The following CYP26B1 variants were observed in gnomAD, a reference collection of about 807,000 sequenced individuals.
CYP26B1 encodes cytochrome P450 family 26 subfamily B member 1.
CYP26B1 carries 8 observed loss-of-function variants against 39.1 expected under a neutral mutation model. The observed-to-expected ratio is 0.20, with a 90% CI of 0.12 to 0.37. The LOEUF is 0.37. Among genes scored for constraint, CYP26B1 ranks in the 10% least tolerant of loss-of-function variants. CYP26B1 has a pLI of 1.00. For missense variants in CYP26B1, 615 were observed against 707.0 expected, an observed-to-expected ratio of 0.87 and a Z score of 1.48; for synonymous variants, 321 against 314.3, an observed-to-expected ratio of 1.02 and a Z score of -0.23.
At chr2:72,132,912 T>G in intron 5 of CYP26B1, 111 bp downstream of exon 5, 1 of 1,537,988 alleles carries the variant, frequency 6.5e-7, no homozygotes, top group South Asian at 1.2e-5. Context: ...AAGCAAGCAC[T>G]GTTTCCCCAT....
At chr2:72,138,418 C>T (rs924227689) in intron 2 of CYP26B1, among the ~76,000 whole-genome samples, 9 of 151,692 alleles carry the variant, frequency 5.9e-5, no homozygotes, top group East Asian at 1.9e-4. Flanking sequence ...GGTCAGGACT[C>T]GGGCACACTG....
chr2:72,133,716 C>G (rs1351888057), intron 4 of CYP26B1, among the ~76,000 whole-genome samples: 1 of 152,194 alleles, frequency 6.6e-6, no homozygotes, highest in Non-Finnish European at 1.5e-5. Flanking sequence ...GGATGTGAGT[C>G]TAAACCCGGG....
chr2:72,133,138 C>A lies in CYP26B1; in HGVS notation c.1031G>T (p.Arg344Leu), dbSNP rs772338043. The part of the protein sequence containing the change: ...SGGCPCEGTL[R>L]LDTLSGLRYL... Reference sequence around the variant, plus strand: ...GCGCAGCCCACTGAGCGTGTCCAGGCGCAGTGTGCCCTCGCAGGGGCAGCC... The same window carrying A: ...GCGCAGCCCACTGAGCGTGTCCAGGAGCAGTGTGCCCTCGCAGGGGCAGCC... The change falls in exon 5 of 6, where the codon CGC becomes CTC. Residue 344 changes from arginine to leucine, a missense_variant. Physicochemically the swap from Arg to Leu is moderately radical, Grantham distance 102. Transcript: ENST00000001146. 4.3e-6 allele frequency: 7 copies of A among 1,612,614 alleles called. No individual in the cohort carries two copies. The highest frequency in any genetic ancestry group is 2.2e-5 in the East Asian group (1 of 44,880).
intron 1 of CYP26B1, chr2:72,144,492 G>C: frequency 8.2e-7 from 1 of 1,217,854 alleles, no homozygotes; most frequent in Non-Finnish European, 1.0e-6. Context: ...AGGTATCCCG[G>C]ACAGCTGGAC....
In CYP26B1 at chr2:72,135,473, C is replaced by T. The variant is rs1031870480; in HGVS notation, c.430-54G>A. On this transcript the variant is annotated intron_variant, in intron 2 of 5. Transcript: ENST00000001146. ...CCGATTGGCACAGCCCACCCCTGGCCAGCCCCTCACTCTGCCTGAACAATG... is the reference window on the plus strand; with the variant it reads ...CCGATTGGCACAGCCCACCCCTGGCTAGCCCCTCACTCTGCCTGAACAATG... 4.4e-6 allele frequency: 7 copies of T among 1,597,078 alleles called. No individual in the cohort carries two copies. In the Admixed American group the frequency reaches 5.0e-5, roughly 11 times the overall value.
At chr2:72,139,933 G>A (rs1409214308) in intron 2 of CYP26B1, among the ~76,000 whole-genome samples, 1 of 152,148 alleles carries the variant, frequency 6.6e-6, no homozygotes, top group African/African-American at 2.4e-5. Context: ...TCCACTCTGA[G>A]GGTGAGGCCA....
At chr2:72,144,467 C>G in intron 1 of CYP26B1, 1 of 1,299,448 alleles carries the variant, frequency 7.7e-7, no homozygotes, top group African/African-American at 1.5e-5. Context: ...TTGGTAATGA[C>G]TTTCGAGAGG....
intron 2 of CYP26B1, among the ~76,000 whole-genome samples, chr2:72,138,491 C>G (rs886365770): frequency 6.6e-6 from 1 of 152,224 alleles, no homozygotes; most frequent in African/African-American, 2.4e-5. Context: ...GAGCTACTTC[C>G]CTGACCACAG....
intron 2 of CYP26B1, among the ~76,000 whole-genome samples, chr2:72,142,071 G>T (rs1230761501): frequency 8.7e-5 from 12 of 138,382 alleles, no homozygotes; most frequent in African/African-American, 3.2e-4. Context: ...TTTCTGCCCC[G>T]ACCCCAACCC....
chr2:72,140,659 C>A (rs1043186301), intron 2 of CYP26B1, among the ~76,000 whole-genome samples: 2 of 152,238 alleles, frequency 1.3e-5, no homozygotes, highest in East Asian at 1.9e-4. Context: ...ACACCGTCCT[C>A]CTGCTGAGGC....
Position 72,147,752 on chromosome 2 carries a change from A to C in CYP26B1, c.83T>G (p.Val28Gly). Residue 28 changes from valine (V) to glycine (G), a missense_variant, in exon 1 of 6, where the codon GTG (valine) becomes GGG (glycine). Coordinates refer to ENST00000001146, the MANE Select transcript of CYP26B1 (RefSeq NM_019885.4). This position sits in a 1 kb window ranked among gnomAD's most constrained non-coding sequence, Gnocchi z 6.1. ...CLVSVTLLLA[V>G]SQQLWQLRWA... ...GCGCAGCTGCCACAGCTGCTGCGAC[A>C]CGGCCAGCAGCAGCGTCACGGACAC... is the stretch of plus-strand genomic sequence containing the variant. The C allele has an allele frequency of 6.3e-7, 1 of 1,588,180 alleles. No homozygotes were observed. Among genetic ancestry groups the C allele is most frequent in the Non-Finnish European group, 8.6e-7 (1 of 1,168,304 alleles).
At chr2:72,134,968 C>G in intron 3 of CYP26B1, 52 bp from the exon 4 acceptor site, 1 of 1,608,784 alleles carries the variant, frequency 6.2e-7, no homozygotes. Flanking sequence ...CCCATCTGAG[C>G]CTCGGGACCA....
At chr2:72,141,141 G>A (rs1363050533) in intron 2 of CYP26B1, among the ~76,000 whole-genome samples, 2 of 152,008 alleles carry the variant, frequency 1.3e-5, no homozygotes, top group African/African-American at 4.8e-5. Flanking sequence ...CCCTTCTACG[G>A]CAATACTCCA....
chr2:72,144,942 C>T (rs1427089722), intron 1 of CYP26B1, among the ~76,000 whole-genome samples: 1 of 152,176 alleles, frequency 6.6e-6, no homozygotes, highest in East Asian at 1.9e-4. Flanking sequence ...ATGGCGGGGC[C>T]GGGGCCGGCC....
chr2:72,141,874 C>A (rs751595598), intron 2 of CYP26B1, among the ~76,000 whole-genome samples: 1 of 152,144 alleles, frequency 6.6e-6, no homozygotes. Flanking sequence ...TCTCATTCGA[C>A]CCTCCCCACC....
In CYP26B1 at chr2:72,129,647, T is replaced by C. The variant is rs1459473940; in HGVS notation, c.*2580A>G. Reference sequence around the variant, plus strand: ...AAAAGGTTTGTGTATAAAATAATATTATAGCCATCTGGGCAGGGTCACGGT... The same window carrying C: ...AAAAGGTTTGTGTATAAAATAATATCATAGCCATCTGGGCAGGGTCACGGT... On this transcript the variant is annotated 3_prime_UTR_variant, in exon 6 of 6. Transcript: ENST00000001146. 3 of 152,422 alleles carry C rather than the reference T, an allele frequency of 2.0e-5. No homozygotes were observed. The highest frequency in any genetic ancestry group is 2.1e-4 in the South Asian group (1 of 4,802). 9.4% of individuals were successfully genotyped at this position (152,422 alleles called of 1,614,324 possible). A position where few individuals can be genotyped will look rare whatever the true frequency, so the allele number is the denominator to read the frequency against.
chr2:72,141,178 G>A (rs1427993667), intron 2 of CYP26B1, among the ~76,000 whole-genome samples: 1 of 152,094 alleles, frequency 6.6e-6, no homozygotes, highest in African/African-American at 2.4e-5. Flanking sequence ...AGAGGGATGG[G>A]GTCCCTCCCC....
At chr2:72,143,096 C>T (rs1233053467) in intron 2 of CYP26B1, 1 of 167,022 alleles carries the variant, frequency 6.0e-6, no homozygotes, top group African/African-American at 2.4e-5. Flanking sequence ...GGGGGGCTGC[C>T]TCTCCCTTTC....
intron 2 of CYP26B1, among the ~76,000 whole-genome samples, chr2:72,139,666 C>T (rs917923439): frequency 1.3e-5 from 2 of 152,194 alleles, no homozygotes; most frequent in Non-Finnish European, 2.9e-5. Context: ...AGACACTTGC[C>T]GAGCCACAGT....
Sources: gnomAD v4.1 joint callset for allele counts (sites outside exome capture counted in the v4.1 genomes callset) on GRCh38, gnomAD v4.1.1 for gene constraint, Gnocchi (gnomAD v3.1) non-coding constraint, MANE v1.5 for transcripts, NCBI Gene and HGNC (gene_info 2026-07-23, HGNC 2026-07-21) for gene names.